Variants in PGGT1B observed in about 807,000 individuals in gnomAD.
PGGT1B encodes geranylgeranyl transferase type-1 subunit beta.
A neutral mutation model predicts 46.1 loss-of-function variants in PGGT1B; 30 were observed. The ratio of observed to expected loss-of-function variants is 0.65; its 90% CI spans 0.49 to 0.88. PGGT1B has a LOEUF of 0.88. PGGT1B is among the 40% of genes least tolerant of loss of function. The pLI, the probability that PGGT1B is intolerant of heterozygous loss-of-function variation, is 0.00. For missense variants in PGGT1B, 376 were observed against 455.9 expected, an observed-to-expected ratio of 0.82 and a Z score of 1.60; for synonymous variants, 170 against 160.0, an observed-to-expected ratio of 1.06 and a Z score of -0.47.
At chr5:115,238,829 T>C (rs1425300353) in intron 3 of PGGT1B, among the ~76,000 whole-genome samples, 2 of 152,172 alleles carry the variant, frequency 1.3e-5, no homozygotes, top group Non-Finnish European at 2.9e-5. Flanking sequence ...TCTAAAAAGC[T>C]GTTACTTATC....
intron 6 of PGGT1B, among the ~76,000 whole-genome samples, chr5:115,227,501 C>T (rs754139640): frequency 8.5e-5 from 13 of 152,188 alleles, no homozygotes; most frequent in Admixed American, 1.3e-4. Context: ...GCCCTGGTTA[C>T]GTCAGGCCCA....
At chr5:115,240,216 G>A (rs955792967) in intron 3 of PGGT1B, among the ~76,000 whole-genome samples, 18 of 152,084 alleles carry the variant, frequency 1.2e-4, no homozygotes, top group African/African-American at 4.3e-4. Context: ...GGAGTTTCAG[G>A]AGACTCTGTG....
intron 8 of PGGT1B, among the ~76,000 whole-genome samples, chr5:115,215,957 A>C (rs1756404155): frequency 6.6e-6 from 1 of 152,136 alleles, no homozygotes; most frequent in Non-Finnish European, 1.5e-5. Flanking sequence ...ATTTTGCTGG[A>C]GGTGAAAACA....
chr5:115,219,416 A>C (rs1163607344), intron 7 of PGGT1B, among the ~76,000 whole-genome samples: 1 of 151,904 alleles, frequency 6.6e-6, no homozygotes, highest in African/African-American at 2.4e-5. Flanking sequence ...ATGAGGTTGG[A>C]TCTTACCTTA....
chr5:115,222,522 AG>A (rs1449047486), intron 6 of PGGT1B, among the ~76,000 whole-genome samples: 3 of 152,176 alleles, frequency 2.0e-5, no homozygotes, highest in African/African-American at 7.2e-5. Context: ...AACAGTGTAA[AG>A]GTGTTCCTAT....
At chr5:115,217,693 G>T (rs990091274) in intron 7 of PGGT1B, among the ~76,000 whole-genome samples, 1 of 151,944 alleles carries the variant, frequency 6.6e-6, no homozygotes, top group Admixed American at 6.6e-5. Context: ...ACAGCTTTTA[G>T]TGACTAATGA....
At chr5:115,241,820 T>C (rs1313255392) in intron 2 of PGGT1B, among the ~76,000 whole-genome samples, 2 of 152,164 alleles carry the variant, frequency 1.3e-5, no homozygotes, top group Admixed American at 1.3e-4. Context: ...AACATAATTA[T>C]TTCTATCATG....
intron 8 of PGGT1B, among the ~76,000 whole-genome samples, chr5:115,215,798 T>A (rs1222869758): frequency 1.3e-5 from 2 of 152,232 alleles, no homozygotes. Flanking sequence ...ACGACTCTAT[T>A]GCAATACTGG....
chr5:115,262,279 C>G (rs1235586623), intron 1 of PGGT1B, among the ~76,000 whole-genome samples: 2 of 152,098 alleles, frequency 1.3e-5, no homozygotes, highest in African/African-American at 4.8e-5. Context: ...GGTTCTCTGC[C>G]GCTCCTACAC....
intron 1 of PGGT1B, among the ~76,000 whole-genome samples, chr5:115,259,801 A>T (rs1182771642): frequency 6.6e-6 from 1 of 151,996 alleles, no homozygotes; most frequent in African/African-American, 2.4e-5. Flanking sequence ...AAATAGAGGG[A>T]CATGAGAATA....
rs189973577 is a variant in PGGT1B, at chr5:115,241,269, G to C, written c.327+270C>G. Among the ~76,000 whole-genome samples the C allele has an allele frequency of 3.3e-5, 5 of 152,220 alleles. No individual in the cohort carries two copies. In the East Asian group the frequency reaches 7.7e-4, roughly 23 times the overall value. ...TTTACACACAGATGTATGATACTGA[G>C]ACAATTTTTTGTAACAATTAATAGA... is the stretch of plus-strand genomic sequence containing the variant. On this transcript the variant is annotated intron_variant, in intron 3 of 8. Transcript: ENST00000419445.
At chr5:115,256,999 A>C (rs1337383800) in intron 1 of PGGT1B, among the ~76,000 whole-genome samples, 2 of 152,196 alleles carry the variant, frequency 1.3e-5, no homozygotes, top group East Asian at 3.9e-4. Context: ...TGAGAAGTGT[A>C]AATAAGCAAA....
chr5:115,242,804 T>C (rs7724266), intron 2 of PGGT1B, among the ~76,000 whole-genome samples: 2,045 of 152,214 alleles, frequency 0.013, 48 homozygotes, highest in African/African-American at 0.046. Flanking sequence ...ACATCTATAC[T>C]AATAATACAA....
intron 2 of PGGT1B, among the ~76,000 whole-genome samples, chr5:115,252,409 A>C (rs1315007793): frequency 6.6e-6 from 1 of 152,024 alleles, no homozygotes; most frequent in Non-Finnish European, 1.5e-5. Flanking sequence ...TCACTGGATG[A>C]GATTTACATA....
At position 115,205,947 on chromosome 5, in the gene PGGT1B, C is replaced by T. The variant is rs1263073539; in HGVS notation, c.*6455G>A. 1 of 151,724 alleles carries T rather than the reference C, an allele frequency of 6.6e-6. No individual in the cohort carries two copies. The highest frequency in any genetic ancestry group is 2.4e-5 in the African/African-American group (1 of 41,334). The allele number at this position is 151,724 out of a possible 1,614,324, so 9.4% of individuals were successfully genotyped here. A position where few individuals can be genotyped will look rare whatever the true frequency, so the allele number is the denominator to read the frequency against. On this transcript the variant is annotated 3_prime_UTR_variant, in exon 9 of 9. Transcript: ENST00000419445. ...AAATAAGGCACTGATTAATCAGTGC[C>T]TCATTTGCCATTAAAATGGTAAAAA...
intron 5 of PGGT1B, among the ~76,000 whole-genome samples, chr5:115,234,726 C>G (rs1757118673): frequency 6.6e-6 from 1 of 151,920 alleles, no homozygotes; most frequent in Non-Finnish European, 1.5e-5. Flanking sequence ...GGAGCCAGGA[C>G]TGCTTGTCAC....
intron 5 of PGGT1B, among the ~76,000 whole-genome samples, chr5:115,232,599 A>G: frequency 6.6e-6 from 1 of 152,068 alleles, no homozygotes; most frequent in East Asian, 1.9e-4. Flanking sequence ...TTTATAACTG[A>G]CAGGAAGAGT....
chr5:115,226,769 A>G (rs1370548237), intron 6 of PGGT1B, among the ~76,000 whole-genome samples: 1 of 152,060 alleles, frequency 6.6e-6, no homozygotes, highest in Non-Finnish European at 1.5e-5. Flanking sequence ...AGAGGTAAGT[A>G]CCATAAAAAT....
At chr5:115,221,115 A>T (rs1054182611) in intron 7 of PGGT1B, among the ~76,000 whole-genome samples, 1 of 151,988 alleles carries the variant, frequency 6.6e-6, no homozygotes, top group Non-Finnish European at 1.5e-5. Context: ...ATTTTTTTCA[A>T]CCTTATACAT....
Sources: allele counts gnomAD v4.1 joint callset (sites outside exome capture counted in the v4.1 genomes callset), GRCh38; gene constraint gnomAD v4.1.1; transcripts MANE v1.5; gene names NCBI Gene and HGNC (gene_info 2026-07-23, HGNC 2026-07-21).